NUP93: variants seen among roughly 807,000 people sequenced by gnomAD.
NUP93 encodes nuclear pore complex protein Nup93.
NUP93 carries 55 observed loss-of-function variants against 107.8 expected under a neutral mutation model. That is an observed-to-expected ratio of 0.51 (90% CI 0.41 to 0.64). NUP93 has a LOEUF of 0.64. NUP93 is among the 30% of genes least tolerant of loss of function. NUP93 has a pLI of 0.00. For synonymous variants in NUP93, 390 were observed against 397.5 expected (o/e 0.98, Z 0.22); for missense variants, 937 against 1,044.7 (o/e 0.90, Z 1.42).
chr16:56,808,466 T>TGTAACTATAAAATATATAGTTAC (rs1963216254), intron 5 of NUP93, among the ~76,000 whole-genome samples: 5 of 102,410 alleles, frequency 4.9e-5, no homozygotes, highest in East Asian at 2.7e-4. Context: ...TATATAGTTA[T>TGTAACTATAAAATATATAGTTAC]GTAACTATAA....
rs8056371 is a variant in NUP93, at chr16:56,823,841, G to A, written c.789G>A (p.Glu263=). ...TCAGGCAGGCCTTGGCGTACCTTGA[G>A]CAGAGGTAAGGCAGCAGTAGCACAG... ...EFVRQALAYL[E]QSYKNYTLVT... is the part of the protein sequence containing the mutation. The change falls in exon 8 of 22, where the codon GAG becomes GAA. Residue 263 remains glutamate, a synonymous_variant. Coordinates refer to ENST00000308159, the MANE Select transcript of NUP93 (RefSeq NM_014669.5). 3,506 of 1,613,736 alleles carry A rather than the reference G, an allele frequency of 2.2e-3. 71 individuals are homozygous for A. In the African/African-American group the frequency reaches 0.04, roughly 19 times the overall value.
intron 7 of NUP93, among the ~76,000 whole-genome samples, chr16:56,822,057 G>A (rs1963554962): frequency 7.4e-6 from 1 of 135,334 alleles, no homozygotes; most frequent in Admixed American, 8.1e-5. Context: ...TTGTTCTCCT[G>A]CCTCACCCTT....
At chr16:56,807,124 C>A (rs1457387342) in intron 5 of NUP93, among the ~76,000 whole-genome samples, 1 of 152,180 alleles carries the variant, frequency 6.6e-6, no homozygotes, top group Non-Finnish European at 1.5e-5. Flanking sequence ...GTGCTGCTTT[C>A]CCTGTTGTTC....
At chr16:56,749,909 GC>G (rs1961887954) in intron 2 of NUP93, among the ~76,000 whole-genome samples, 1 of 152,198 alleles carries the variant, frequency 6.6e-6, no homozygotes, top group Admixed American at 6.5e-5. Flanking sequence ...AGCCCAACCA[GC>G]CTTTAGACAC....
intron 8 of NUP93, among the ~76,000 whole-genome samples, chr16:56,827,069 A>AAAAAAAATT: frequency 8.0e-6 from 1 of 125,726 alleles, no homozygotes; most frequent in African/African-American, 2.8e-5. Flanking sequence ...AAAAAAAAAA[A>AAAAAAAATT]TTTTGTTGAG....
rs201924382 is a variant in NUP93 at position 56,821,514 on chromosome 16, A to G, written c.575A>G (p.Tyr192Cys). The G allele has an allele frequency of 2.3e-5, 37 of 1,605,364 alleles. No individual in the cohort carries two copies. The Admixed American group carries it at 4.3e-4, about 19-fold the overall frequency. Residue 192 changes from tyrosine (Y) to cysteine (C), a missense_variant, in exon 7 of 22, where the codon TAT (tyrosine) becomes TGT (cysteine). By Grantham distance (194) the Tyr-to-Cys change is radical (BLOSUM62 -2). Coordinates refer to ENST00000308159, the MANE Select transcript of NUP93 (RefSeq NM_014669.5). ...TTTTTATCATTTCAGATTTATATCTATAATGAGAAAATTGTAAATGGACAC... is the reference window on the plus strand; with the variant it reads ...TTTTTATCATTTCAGATTTATATCTGTAATGAGAAAATTGTAAATGGACAC... Reference protein sequence around the residue: ...EMAYARQIYIYNEKIVNGHLQ... With the variant: ...EMAYARQIYICNEKIVNGHLQ...
chr16:56,828,952 GT>G, intron 8 of NUP93, 24 bp from the exon 9 acceptor site: 1 of 1,611,160 alleles, frequency 6.2e-7, no homozygotes, highest in Non-Finnish European at 8.5e-7. Flanking sequence ...AGTCTTCCCT[GT>G]TTTTTCCTTT....
At chr16:56,731,738 T>C (rs1961538754) in intron 1 of NUP93, among the ~76,000 whole-genome samples, 1 of 152,188 alleles carries the variant, frequency 6.6e-6, no homozygotes, top group South Asian at 2.1e-4. Flanking sequence ...CAAATAATAC[T>C]TGCCACCCTG....
chr16:56,814,549 C>G (rs1400869610), intron 5 of NUP93, among the ~76,000 whole-genome samples: 14 of 152,064 alleles, frequency 9.2e-5, no homozygotes, highest in Non-Finnish European at 1.5e-5. Context: ...TTTATGCATC[C>G]CTGAATACAC....
chr16:56,823,872 C>T (rs1180174553), intron 8 of NUP93, 26 bp downstream of exon 8: 2 of 1,607,438 alleles, frequency 1.2e-6, no homozygotes, highest in Non-Finnish European at 1.7e-6. Flanking sequence ...CACAGTGGGG[C>T]TGGCTTTCAC....
intron 7 of NUP93, among the ~76,000 whole-genome samples, chr16:56,822,661 A>C (rs1390839336): frequency 1.3e-5 from 2 of 149,972 alleles, no homozygotes; most frequent in Non-Finnish European, 3.0e-5. Flanking sequence ...CCTGGGTTCA[A>C]GCGATTCTCC....
chr16:56,762,116 G>A (rs1046495154), intron 3 of NUP93, among the ~76,000 whole-genome samples: 4 of 152,152 alleles, frequency 2.6e-5, no homozygotes, highest in African/African-American at 9.7e-5. Context: ...TGACTTTGTG[G>A]TGCTTGGGAG....
At position 56,828,994 on chromosome 16, in the gene NUP93, T is replaced by C; in HGVS notation, c.812T>C (p.Leu271Pro). The change falls in exon 9 of 22, where the codon CTT (leucine) becomes CCT (proline). Residue 271 changes from leucine to proline, a missense_variant. Coordinates refer to ENST00000308159, the MANE Select transcript of NUP93 (RefSeq NM_014669.5). Reference sequence around the variant, plus strand: ...TTTTCCAGTTATAAGAATTACACCCTTGTGACTGTCTTTGGAAATTTGCAT... The same window carrying C: ...TTTTCCAGTTATAAGAATTACACCCCTGTGACTGTCTTTGGAAATTTGCAT... ...YLEQSYKNYTLVTVFGNLHQA... is the reference protein window; with the variant it reads ...YLEQSYKNYTPVTVFGNLHQA... 6.8e-6 allele frequency: 11 copies of C among 1,613,604 alleles called. No individual in the cohort carries two copies. Among genetic ancestry groups the C allele is most frequent in the Non-Finnish European group, 9.3e-6 (11 of 1,179,884 alleles).
intron 3 of NUP93, among the ~76,000 whole-genome samples, chr16:56,793,305 C>A (rs1386806200): frequency 1.3e-5 from 2 of 151,988 alleles, no homozygotes; most frequent in African/African-American, 4.8e-5. Flanking sequence ...TTGAGCTGAC[C>A]CACAGCAGAA....
chr16:56,841,179 C>T (rs1348317291), intron 20 of NUP93, among the ~76,000 whole-genome samples: 1 of 152,128 alleles, frequency 6.6e-6, no homozygotes, highest in East Asian at 1.9e-4. Context: ...TCTGGCCTTT[C>T]CTTGAATGCA....
At chr16:56,811,732 A>G (rs750932940) in intron 5 of NUP93, among the ~76,000 whole-genome samples, 3 of 152,120 alleles carry the variant, frequency 2.0e-5, no homozygotes, top group Non-Finnish European at 4.4e-5. Flanking sequence ...CTGTTTCCCA[A>G]AGTGCTGTGA....
intron 5 of NUP93, among the ~76,000 whole-genome samples, chr16:56,818,448 G>A (rs1244690938): frequency 1.3e-5 from 2 of 152,146 alleles, no homozygotes; most frequent in African/African-American, 4.8e-5. Flanking sequence ...CTCTTTTTTA[G>A]TTAATCCAAT....
chr16:56,830,229 T>A (rs951561139), intron 9 of NUP93, among the ~76,000 whole-genome samples: 28 of 152,196 alleles, frequency 1.8e-4, no homozygotes, highest in African/African-American at 6.8e-4. Flanking sequence ...CCCCTGGGAT[T>A]CCATGGAAAA....
intron 3 of NUP93, among the ~76,000 whole-genome samples, chr16:56,774,936 G>C (rs1455853606): frequency 1.4e-5 from 2 of 147,324 alleles, no homozygotes; most frequent in Non-Finnish European, 3.0e-5. Context: ...GTCTCGCTCT[G>C]TTGCCCAGGC....
Sources: gnomAD v4.1 joint callset for allele counts (sites outside exome capture counted in the v4.1 genomes callset) on GRCh38, gnomAD v4.1.1 for gene constraint, MANE v1.5 for transcripts, NCBI Gene and HGNC (gene_info 2026-07-23, HGNC 2026-07-21) for gene names.